NBEA: variants seen among roughly 807,000 people sequenced by gnomAD.
NBEA encodes the protein lysosomal-trafficking regulator 2.
In NBEA, 44 loss-of-function variants were observed where a neutral mutation model predicts 343.4. The ratio of observed to expected loss-of-function variants is 0.13; its 90% CI spans 0.10 to 0.16. The LOEUF (loss-of-function observed/expected upper bound fraction) is 0.16, where lower values mean the gene tolerates loss of function less well. Ranked by LOEUF, NBEA falls within the 10% of genes least tolerant of loss-of-function variation. NBEA has a pLI of 1.00. For missense variants in NBEA, 2,555 were observed against 3,631.3 expected, an observed-to-expected ratio of 0.70 and a Z score of 7.62; for synonymous variants, 1,175 against 1,238.7, an observed-to-expected ratio of 0.95 and a Z score of 1.08.
intron 36 of NBEA, among the ~76,000 whole-genome samples, chr13:35,342,272 T>C (rs1220833949): frequency 1.3e-5 from 2 of 152,124 alleles, no homozygotes; most frequent in East Asian, 1.9e-4. Flanking sequence ...TAGACTTATA[T>C]AGTTCGTGGT....
At chr13:35,281,924 T>G (rs1052936723) in intron 34 of NBEA, among the ~76,000 whole-genome samples, 9 of 151,972 alleles carry the variant, frequency 5.9e-5, no homozygotes, top group African/African-American at 2.2e-4. Context: ...ATTTATTTAT[T>G]TATTTTGAGA....
In NBEA at chr13:35,015,127, G is replaced by GAAAAAAAAAAAAAAA. The variant is rs771271035; in HGVS notation, c.295-25794_295-25793insAAAAAAAAAAAAAAA. Among the ~76,000 whole-genome samples, 2 of 18,328 alleles carry GAAAAAAAAAAAAAAA rather than the reference G, an allele frequency of 1.1e-4. 1 individual carries two copies. Among genetic ancestry groups the GAAAAAAAAAAAAAAA allele is most frequent in the Non-Finnish European group, 1.8e-4 (2 of 11,346 alleles). The allele number at this position is 18,328 out of a possible 152,430, so 12.0% of individuals were successfully genotyped here. ...TTCTCAACAAAAAGCAACGAGATCT[G>GAAAAAAAAAAAAAAA]AAAAAAAAAAAACAAACAAAAAAAA... is the stretch of plus-strand genomic sequence containing the variant. On this transcript the variant is annotated intron_variant, in intron 1 of 58. Transcript: ENST00000379939.
chr13:34,957,022 T>C lies in NBEA; in HGVS notation c.294+13908T>C, dbSNP rs186241973. Reference sequence around the variant, plus strand: ...ATATCATGTGGAATATATATATATATACACACACACACACATATATATACA... The same window carrying C: ...ATATCATGTGGAATATATATATATACACACACACACACACATATATATACA... On this transcript the variant is annotated intron_variant, in intron 1 of 58. Coordinates refer to ENST00000379939, the MANE Select transcript of NBEA (RefSeq NM_001385012.1). Among the ~76,000 whole-genome samples the C allele has an allele frequency of 8.2e-4, 123 of 150,872 alleles. 1 individual carries two copies. In the East Asian group the frequency reaches 8.7e-3, roughly 11 times the overall value.
chr13:35,431,681 C>G (rs2045121281), intron 38 of NBEA, among the ~76,000 whole-genome samples: 1 of 152,130 alleles, frequency 6.6e-6, no homozygotes, highest in African/African-American at 2.4e-5. Flanking sequence ...AGCTCTAATT[C>G]AGTATTATTA....
intron 36 of NBEA, among the ~76,000 whole-genome samples, chr13:35,345,476 G>T (rs900130839): frequency 6.6e-6 from 1 of 151,952 alleles, no homozygotes; most frequent in Non-Finnish European, 1.5e-5. Flanking sequence ...GCTTAGGATA[G>T]TAAAGACATT....
intron 34 of NBEA, among the ~76,000 whole-genome samples, chr13:35,268,954 T>A (rs2033912704): frequency 6.6e-6 from 1 of 152,074 alleles, no homozygotes; most frequent in Admixed American, 6.6e-5. Flanking sequence ...AGATAAAGAC[T>A]TTTTCAGACA....
At chr13:35,189,108 G>A (rs1276654401) in intron 30 of NBEA, among the ~76,000 whole-genome samples, 3 of 151,612 alleles carry the variant, frequency 2.0e-5, no homozygotes, top group East Asian at 1.9e-4. Context: ...TAGTAGAGAC[G>A]AGGTTTCACC....
At position 35,671,080 on chromosome 13, in the gene NBEA, A is replaced by T; in HGVS notation, c.*89A>T. The T allele has an allele frequency of 1.2e-6, 1 of 849,966 alleles. No individual in the cohort carries two copies. The highest frequency in any genetic ancestry group is 1.9e-6 in the Non-Finnish European group (1 of 526,240). 52.7% of individuals were successfully genotyped at this position (849,966 alleles called of 1,614,324 possible). A position where few individuals can be genotyped will look rare whatever the true frequency, so the allele number is the denominator to read the frequency against. ...TATCTCTGGTGGAAAAAACTCGTCT[A>T]CATCGACCTCCGTTTGTACATTCCA... On this transcript the variant is annotated 3_prime_UTR_variant, in exon 59 of 59. Transcript: ENST00000379939.
intron 36 of NBEA, among the ~76,000 whole-genome samples, chr13:35,313,569 A>C (rs1280907093): frequency 6.6e-6 from 1 of 152,216 alleles, no homozygotes; most frequent in Non-Finnish European, 1.5e-5. Flanking sequence ...CAAGGAGGTC[A>C]TGATGATCTC....
chr13:35,600,319 G>A (rs551702864), intron 47 of NBEA, among the ~76,000 whole-genome samples: 5 of 152,278 alleles, frequency 3.3e-5, no homozygotes, highest in Middle Eastern at 3.4e-3. Context: ...CCACACGCAC[G>A]TCTCTCTGGA....
intron 1 of NBEA, among the ~76,000 whole-genome samples, chr13:34,976,026 G>T (rs765666349): frequency 6.6e-6 from 1 of 152,184 alleles, no homozygotes; most frequent in East Asian, 1.9e-4. Context: ...ATTCCTTAGA[G>T]AACTTAAAAG....
chr13:35,356,984 C>T (rs182931329), intron 38 of NBEA, among the ~76,000 whole-genome samples: 50 of 152,286 alleles, frequency 3.3e-4, no homozygotes, highest in Admixed American at 4.6e-4. Flanking sequence ...TAGCACCTAT[C>T]ACTTGGCATA....
At chr13:35,574,888 T>A (rs2080655659) in intron 45 of NBEA, among the ~76,000 whole-genome samples, 1 of 151,640 alleles carries the variant, frequency 6.6e-6, no homozygotes. Context: ...TAGCTGGGAT[T>A]AAAGGCGTGC....
chr13:35,056,000 T>G lies in NBEA; in HGVS notation c.973-10T>G. ...ATTACATATTGATATATTTAATTTT[T>G]TTATTTAAGTGGTACATGATCAGCA... On this transcript the variant is annotated splice_polypyrimidine_tract_variant and intron_variant, in intron 6 of 58. Coordinates refer to ENST00000379939, the MANE Select transcript of NBEA (RefSeq NM_001385012.1). 1.9e-6 allele frequency: 3 copies of G among 1,569,408 alleles called. No homozygotes were observed. Among genetic ancestry groups the G allele is most frequent in the Non-Finnish European group, 2.6e-6 (3 of 1,158,882 alleles).
chr13:35,663,081 T>C (rs1803036783), intron 55 of NBEA, among the ~76,000 whole-genome samples: 1 of 152,228 alleles, frequency 6.6e-6, no homozygotes, highest in African/African-American at 2.4e-5. Context: ...AATTAGGATA[T>C]CCAACACCTC....
At chr13:35,015,787 TA>T (rs1357733802) in intron 1 of NBEA, among the ~76,000 whole-genome samples, 1 of 152,118 alleles carries the variant, frequency 6.6e-6, no homozygotes, top group Non-Finnish European at 1.5e-5. Flanking sequence ...ATTCATAATA[TA>T]AAAATACTCT....
intron 49 of NBEA, among the ~76,000 whole-genome samples, chr13:35,644,310 A>G (rs1177115916): frequency 6.6e-6 from 1 of 152,186 alleles, no homozygotes; most frequent in African/African-American, 2.4e-5. Flanking sequence ...ATATATATGC[A>G]TATGTATTCT....
chr13:35,364,670 A>G (rs1009836881), intron 38 of NBEA, among the ~76,000 whole-genome samples: 2 of 151,808 alleles, frequency 1.3e-5, no homozygotes, highest in East Asian at 1.9e-4. Flanking sequence ...TTATGAAACT[A>G]AAAGGATGGA....
At chr13:35,546,956 G>A (rs2079093480) in intron 41 of NBEA, among the ~76,000 whole-genome samples, 1 of 152,014 alleles carries the variant, frequency 6.6e-6, no homozygotes. Flanking sequence ...GTAACAAGCA[G>A]GGAAAGCAGG....
Sources: allele counts gnomAD v4.1 joint callset (sites outside exome capture counted in the v4.1 genomes callset), GRCh38; gene constraint gnomAD v4.1.1; transcripts MANE v1.5; gene names NCBI Gene and HGNC (gene_info 2026-07-23, HGNC 2026-07-21).